Variants in CSMD3 observed in about 807,000 individuals in gnomAD.
CSMD3 encodes CUB and Sushi multiple domains 3.
In CSMD3, 177 loss-of-function variants were observed where a neutral mutation model predicts 435.2. The observed-to-expected ratio is 0.41, with a 90% CI of 0.36 to 0.46. The LOEUF (loss-of-function observed/expected upper bound fraction) is 0.46. CSMD3 is among the 20% of genes least tolerant of loss of function. CSMD3 has a pLI of 0.34. For synonymous variants in CSMD3, 1,656 were observed against 1,520.5 expected, an observed-to-expected ratio of 1.09 and a Z score of -2.07; for missense variants, 4,265 against 4,504.6, an observed-to-expected ratio of 0.95 and a Z score of 1.52.
At chr8:112,297,600 A>G (rs1820442719) in intron 53 of CSMD3, among the ~76,000 whole-genome samples, 1 of 152,186 alleles carries the variant, frequency 6.6e-6, no homozygotes, top group Non-Finnish European at 1.5e-5. Flanking sequence ...ACATTGTTAA[A>G]AAAACCTCCA....
intron 4 of CSMD3, among the ~76,000 whole-genome samples, chr8:113,142,403 T>C (rs2131736048): frequency 6.6e-6 from 1 of 151,408 alleles, no homozygotes; most frequent in South Asian, 2.1e-4. Context: ...AATTGTGTGG[T>C]ATTGTCAGAG....
At chr8:112,729,017 A>G (rs574313187) in intron 13 of CSMD3, among the ~76,000 whole-genome samples, 15 of 152,182 alleles carry the variant, frequency 9.9e-5, no homozygotes, top group African/African-American at 3.4e-4. Context: ...AATGCTTCAA[A>G]AACTGACATT....
chr8:112,546,153 A>T (rs1188225999), intron 27 of CSMD3, among the ~76,000 whole-genome samples: 1 of 152,202 alleles, frequency 6.6e-6, no homozygotes, highest in Non-Finnish European at 1.5e-5. Flanking sequence ...CTCTGGATGT[A>T]TATAAATGAA....
intron 38 of CSMD3, among the ~76,000 whole-genome samples, chr8:112,363,669 A>G (rs1827479403): frequency 6.6e-6 from 1 of 152,050 alleles, no homozygotes; most frequent in Non-Finnish European, 1.5e-5. Flanking sequence ...TCTCTACGTC[A>G]TCATCACAAA....
chr8:113,297,880 G>A (rs766801034), intron 2 of CSMD3, among the ~76,000 whole-genome samples: 115 of 152,076 alleles, frequency 7.6e-4, no homozygotes, highest in South Asian at 2.3e-3. Flanking sequence ...TAGTTATTCC[G>A]AAATCTTGTA....
At chr8:113,286,213 T>C (rs2132502155) in intron 2 of CSMD3, among the ~76,000 whole-genome samples, 1 of 152,272 alleles carries the variant, frequency 6.6e-6, no homozygotes. Context: ...TCCTGTCTCT[T>C]CTCATGTTCC....
chr8:112,794,840 C>T (rs2078788424), intron 13 of CSMD3, among the ~76,000 whole-genome samples: 1 of 151,406 alleles, frequency 6.6e-6, no homozygotes, highest in South Asian at 2.1e-4. Context: ...TTATTTTTTT[C>T]AAAGAAACTT....
At chr8:112,287,313 A>G (rs1819304311) in intron 57 of CSMD3, 67 bp from the exon 58 acceptor site, 1 of 1,495,868 alleles carries the variant, frequency 6.7e-7, no homozygotes, top group South Asian at 1.1e-5. Context: ...CAGTTAGTCC[A>G]AGGGCCTGGT....
chr8:112,476,164 G>A (rs1819031259), intron 31 of CSMD3, among the ~76,000 whole-genome samples: 1 of 151,984 alleles, frequency 6.6e-6, no homozygotes, highest in Non-Finnish European at 1.5e-5. Flanking sequence ...TCCTACCTCA[G>A]CCTCCAGAGT....
At chr8:112,664,922 G>T (rs957222493) in intron 17 of CSMD3, among the ~76,000 whole-genome samples, 1 of 152,068 alleles carries the variant, frequency 6.6e-6, no homozygotes, top group African/African-American at 2.4e-5. Context: ...CTTGGTTATG[G>T]CAGCCCTAAC....
At chr8:112,903,592 C>G (rs139089192) in intron 10 of CSMD3, among the ~76,000 whole-genome samples, 3 of 150,736 alleles carry the variant, frequency 2.0e-5, no homozygotes, top group Non-Finnish European at 4.4e-5. Flanking sequence ...AGAATTACCC[C>G]TGGAGCCTTT....
intron 23 of CSMD3, among the ~76,000 whole-genome samples, chr8:112,578,395 C>A (rs572461329): frequency 6.6e-6 from 1 of 151,930 alleles, no homozygotes; most frequent in Admixed American, 6.6e-5. Flanking sequence ...TATTACAAAT[C>A]ATTTTATTTT....
intron 1 of CSMD3, among the ~76,000 whole-genome samples, chr8:113,394,172 A>ACACACC (rs2094473161): frequency 6.6e-6 from 1 of 151,116 alleles, no homozygotes; most frequent in African/African-American, 2.4e-5. Context: ...ACACACACAC[A>ACACACC]CACACACACA....
intron 54 of CSMD3, 73 bp downstream of exon 54, chr8:112,295,760 C>G (rs2130712274): frequency 8.1e-7 from 1 of 1,241,166 alleles, no homozygotes; most frequent in Non-Finnish European, 1.2e-6. Context: ...TATATATATT[C>G]ATCTTGCCTA....
intron 3 of CSMD3, among the ~76,000 whole-genome samples, chr8:113,220,851 T>C (rs2092958266): frequency 6.6e-6 from 1 of 151,458 alleles, no homozygotes; most frequent in African/African-American, 2.4e-5. Flanking sequence ...GTACACTATA[T>C]GCCTTCTGAT....
At chr8:112,864,971 A>G (rs1448498168) in intron 10 of CSMD3, among the ~76,000 whole-genome samples, 1 of 152,198 alleles carries the variant, frequency 6.6e-6, no homozygotes, top group Non-Finnish European at 1.5e-5. Context: ...GCTACCCTAT[A>G]CATTTTACAG....
chr8:112,289,673 T>C (rs1211821832), intron 56 of CSMD3, 135 bp from the exon 57 acceptor site: 2 of 598,674 alleles, frequency 3.3e-6, no homozygotes, highest in Non-Finnish European at 5.6e-6. Flanking sequence ...CAAACATCTA[T>C]GTTGAAGGTG....
At chr8:113,279,000 A>G (rs1031974106) in intron 2 of CSMD3, among the ~76,000 whole-genome samples, 1 of 151,596 alleles carries the variant, frequency 6.6e-6, no homozygotes, top group African/African-American at 2.4e-5. Context: ...TGGAATATAC[A>G]TTTTTAAAAT....
In CSMD3 at chr8:113,157,754, GCT is replaced by G. The variant is rs1446537493; in HGVS notation, c.709+15966_709+15967del. Among the ~76,000 whole-genome samples the G allele has an allele frequency of 5.3e-5, 8 of 152,194 alleles. No individual in the cohort carries two copies. The East Asian group carries it at 9.7e-4, about 18-fold the overall frequency. On this transcript the variant is annotated intron_variant, in intron 4 of 70. Coordinates refer to ENST00000297405, the MANE Select transcript of CSMD3 (RefSeq NM_198123.2). ...GGATGAGATATGTATTATAAGCACA[GCT>G]CTCTCTGAATACATAACATCCTTAT...
Sources: allele counts gnomAD v4.1 joint callset (sites outside exome capture counted in the v4.1 genomes callset), GRCh38; gene constraint gnomAD v4.1.1; transcripts MANE v1.5; gene names NCBI Gene and HGNC (gene_info 2026-07-23, HGNC 2026-07-21).